Variants in CELF2 observed in about 807,000 individuals in gnomAD.
The protein encoded by CELF2 is CUG triplet repeat RNA-binding protein 2.
In CELF2, 8 loss-of-function variants were observed where a neutral mutation model predicts 62.6. That is an observed-to-expected ratio of 0.13 (90% confidence interval 0.07 to 0.23). The LOEUF (loss-of-function observed/expected upper bound fraction) is 0.23. Ranked by LOEUF, CELF2 falls within the 10% of genes least tolerant of loss-of-function variation. CELF2 has a pLI of 1.00. For missense variants in CELF2, 333 were observed against 671.0 expected, an observed-to-expected ratio of 0.50 and a Z score of 5.56; for synonymous variants, 258 against 250.0, an observed-to-expected ratio of 1.03 and a Z score of -0.30.
intron 2 of CELF2, among the ~76,000 whole-genome samples, chr10:11,185,042 G>T (rs1428476161): frequency 6.6e-6 from 1 of 152,140 alleles, no homozygotes; most frequent in Non-Finnish European, 1.5e-5. Context: ...CAAGGACATT[G>T]TCTTGTCTTC....
intron 9 of CELF2, among the ~76,000 whole-genome samples, chr10:11,301,080 C>T (rs535118311): frequency 6.6e-6 from 1 of 152,164 alleles, no homozygotes; most frequent in African/African-American, 2.4e-5. Flanking sequence ...TAACGCTAGA[C>T]ATGCCCTGCA....
chr10:10,828,761 C>A (rs1189327221), intron 1 of CELF2, among the ~76,000 whole-genome samples: 1 of 152,082 alleles, frequency 6.6e-6, no homozygotes, highest in African/African-American at 2.4e-5. Flanking sequence ...CAAGAATGTC[C>A]AGGGCTAAGA....
intron 8 of CELF2, among the ~76,000 whole-genome samples, chr10:11,284,515 AGTGT>A (rs2090465786): frequency 7.5e-6 from 1 of 132,978 alleles, no homozygotes; most frequent in African/African-American, 2.9e-5. Context: ...ATGAGGGATG[AGTGT>A]GTGGTGGGTG....
chr10:11,082,803 T>A (rs985882654), intron 1 of CELF2, among the ~76,000 whole-genome samples: 19 of 152,144 alleles, frequency 1.2e-4, no homozygotes, highest in Non-Finnish European at 2.1e-4. Context: ...TAGGAAACAA[T>A]CTATTGACTT....
intron 1 of CELF2, among the ~76,000 whole-genome samples, chr10:11,025,731 T>C (rs139763813): frequency 6.2e-4 from 95 of 152,366 alleles, no homozygotes; most frequent in African/African-American, 2.2e-3. Context: ...CTTGTGTTTT[T>C]GGATTATTAC....
rs2050810371 is a variant in CELF2 at position 10,972,058 on chromosome 10, C to A, written c.89+52059C>A. ...TTTCAGTCAGTTCATCTTTACTACTCCACTGAAACAATATTGGTTGATAGA... is the reference window on the plus strand; with the variant it reads ...TTTCAGTCAGTTCATCTTTACTACTACACTGAAACAATATTGGTTGATAGA... On this transcript the variant is annotated intron_variant, in intron 2 of 13. Transcript: ENST00000636488. This position sits in a 1 kb window ranked among gnomAD's most constrained non-coding sequence, Gnocchi z 4.4. 6.6e-6 allele frequency among the ~76,000 whole-genome samples: 1 copy of A among 152,132 alleles called. No individual in the cohort carries two copies. Among genetic ancestry groups the A allele is most frequent in the Non-Finnish European group, 1.5e-5 (1 of 68,038 alleles).
rs116288025 is a variant in CELF2, at chr10:11,290,095, T to C, written c.976+1543T>C. Among the ~76,000 whole-genome samples, 647 of 152,274 alleles carry C rather than the reference T, an allele frequency of 4.2e-3. 6 individuals are homozygous for C. Among genetic ancestry groups the C allele is most frequent in the African/African-American group, 0.015 (619 of 41,554 alleles). On this transcript the variant is annotated intron_variant, in intron 9 of 12. Coordinates refer to ENST00000633077, the MANE Select transcript of CELF2 (RefSeq NM_001326342.2). The surrounding 1 kb of genome is among the most constrained non-coding windows in gnomAD (Gnocchi z 4.3). Reference sequence around the variant, plus strand: ...AAATGCAGAAGCAGCTGTCGGCTGATTGGTGTAGCTAAGATAACTCAAAAA... The same window carrying C: ...AAATGCAGAAGCAGCTGTCGGCTGACTGGTGTAGCTAAGATAACTCAAAAA...
chr10:10,608,889 T>C, the CELF2 span, among the ~76,000 whole-genome samples: 1 of 152,274 alleles, frequency 6.6e-6, no homozygotes, highest in South Asian at 2.1e-4. Flanking sequence ...AAATATGGCA[T>C]AGGGACCCCG....
chr10:10,610,406 CAT>C, the CELF2 span, among the ~76,000 whole-genome samples: 5 of 152,158 alleles, frequency 3.3e-5, no homozygotes, highest in Non-Finnish European at 7.3e-5. Context: ...AATTTTAGAA[CAT>C]GTGTGAATAT....
At chr10:10,969,511 AC>A (rs1409535719) in intron 2 of CELF2, among the ~76,000 whole-genome samples, 9 of 152,210 alleles carry the variant, frequency 5.9e-5, no homozygotes, top group Admixed American at 5.9e-4. Flanking sequence ...TAAACTATAA[AC>A]ATCCCCGTTG....
chr10:10,835,925 G>A (rs536580462), intron 1 of CELF2, among the ~76,000 whole-genome samples: 72 of 152,298 alleles, frequency 4.7e-4, no homozygotes, highest in African/African-American at 1.6e-3. Flanking sequence ...TGTACAGAAC[G>A]AAGTGATGGT....
At chr10:11,085,726 T>G (rs2046523687) in intron 1 of CELF2, among the ~76,000 whole-genome samples, 1 of 152,202 alleles carries the variant, frequency 6.6e-6, no homozygotes, top group South Asian at 2.1e-4. Context: ...GGGAGTTTTT[T>G]GTCCCCACCT....
the CELF2 span, among the ~76,000 whole-genome samples, chr10:10,662,631 T>C: frequency 2.8e-4 from 42 of 152,260 alleles, no homozygotes; most frequent in Non-Finnish European, 5.6e-4. Context: ...GACCCCCTTC[T>C]CCATGACCCT....
chr10:11,258,662 C>A (rs2079525350), intron 5 of CELF2, among the ~76,000 whole-genome samples: 1 of 152,214 alleles, frequency 6.6e-6, no homozygotes, highest in Non-Finnish European at 1.5e-5. Flanking sequence ...GACTGCACTT[C>A]CCTGAGTCAG....
Position 11,321,093 on chromosome 10 carries a change from CT to C in CELF2, c.1097-95del. The C allele has an allele frequency of 1.5e-6, 2 of 1,354,794 alleles. No homozygotes were observed. Among genetic ancestry groups the C allele is most frequent in the Non-Finnish European group, 2.1e-6 (2 of 952,304 alleles). The allele number at this position is 1,354,794 out of a possible 1,614,324, so 83.9% of individuals were successfully genotyped here. A position where few individuals can be genotyped will look rare whatever the true frequency, so the allele number is the denominator to read the frequency against. On this transcript the variant is annotated intron_variant, in intron 10 of 12. Transcript: ENST00000633077. This position sits in a 1 kb window ranked among gnomAD's most constrained non-coding sequence, Gnocchi z 6.2. ...ATTGTGTGCTAGCTGCATGTACTTG[CT>C]GTTGTACTGTGTTTAAATGATTCTC... is the stretch of plus-strand genomic sequence containing the variant.
At chr10:11,033,240 G>A (rs1336624095) in intron 1 of CELF2, among the ~76,000 whole-genome samples, 2 of 147,550 alleles carry the variant, frequency 1.4e-5, no homozygotes, top group Non-Finnish European at 1.5e-5. Flanking sequence ...CACAAATACT[G>A]TCTCAATGTT....
intron 8 of CELF2, among the ~76,000 whole-genome samples, chr10:11,277,554 T>G (rs1469587470): frequency 6.6e-6 from 1 of 152,162 alleles, no homozygotes; most frequent in Non-Finnish European, 1.5e-5. Context: ...AGTGGATGAG[T>G]GAACAGATTT....
At chr10:11,253,271 G>T (rs948013373) in intron 4 of CELF2, among the ~76,000 whole-genome samples, 1 of 152,130 alleles carries the variant, frequency 6.6e-6, no homozygotes, top group Non-Finnish European at 1.5e-5. Flanking sequence ...GGTCTTTAAC[G>T]CCTAGAACCC....
chr10:10,863,128 G>A (rs943765584), intron 1 of CELF2, among the ~76,000 whole-genome samples: 1 of 152,198 alleles, frequency 6.6e-6, no homozygotes, highest in Non-Finnish European at 1.5e-5. Flanking sequence ...ACCGTACAGT[G>A]GTCTGGAGGA....
Sources: gnomAD v4.1 joint callset for allele counts (sites outside exome capture counted in the v4.1 genomes callset) on GRCh38, gnomAD v4.1.1 for gene constraint, Gnocchi (gnomAD v3.1) non-coding constraint, MANE v1.5 for transcripts, NCBI Gene and HGNC (gene_info 2026-07-23, HGNC 2026-07-21) for gene names.